Variants in MIAT observed in about 807,000 individuals in gnomAD.
MIAT encodes the protein MI related novel mRNA.
chr22:26,668,736 T>C, exon 6 of MIAT: 1 of 399,176 alleles, frequency 2.5e-6, no homozygotes, highest in Non-Finnish European at 4.4e-6. Flanking sequence ...AATTGTCATT[T>C]TGTGGGGGAC....
intron 2 of MIAT, among the ~76,000 whole-genome samples, chr22:26,656,669 G>C (rs1930466571): frequency 6.6e-6 from 1 of 152,194 alleles, no homozygotes; most frequent in Admixed American, 6.5e-5. Context: ...TGCAACTCTA[G>C]AACCACTACT....
exon 6 of MIAT, chr22:26,669,098 G>T: frequency 2.5e-6 from 1 of 398,636 alleles, no homozygotes; most frequent in South Asian, 1.3e-4. Flanking sequence ...TGTTCTTGGG[G>T]AACAGAAGGT....
chr22:26,649,357 C>A (rs1298751016), intron 2 of MIAT, among the ~76,000 whole-genome samples: 1 of 152,228 alleles, frequency 6.6e-6, no homozygotes, highest in Non-Finnish European at 1.5e-5. Context: ...GGAAACAAGA[C>A]AGAGTGTCAG....
chr22:26,662,851 G>C lies in MIAT; in HGVS notation n.647-465G>C, dbSNP rs141758033. Among the ~76,000 whole-genome samples the C allele has an allele frequency of 4.6e-5, 7 of 152,314 alleles. No individual in the cohort carries two copies. The East Asian group carries it at 1.3e-3, about 29-fold the overall frequency. On this transcript the variant is annotated intron_variant and non_coding_transcript_variant, in intron 2 of 5. Coordinates refer to ENST00000643270, the Ensembl canonical transcript of MIAT. ...TCCATTACTAAGAACAGTACATGCTGTTTAGCGGGAAAAATGAATATCTCA... is the reference window on the plus strand; with the variant it reads ...TCCATTACTAAGAACAGTACATGCTCTTTAGCGGGAAAAATGAATATCTCA...
At chr22:26,650,742 G>T (rs1159020557) in intron 2 of MIAT, among the ~76,000 whole-genome samples, 1 of 152,190 alleles carries the variant, frequency 6.6e-6, no homozygotes, top group Non-Finnish European at 1.5e-5. Flanking sequence ...TGGGGTCATT[G>T]TTCAGCTGGC....
At chr22:26,668,762 T>C in exon 6 of MIAT, 2 of 399,398 alleles carry the variant, frequency 5.0e-6, no homozygotes, top group East Asian at 7.1e-5. Flanking sequence ...TGGTGGGGCT[T>C]TTCCATGCTT....
At chr22:26,673,389 G>A (rs1931135661), downstream of MIAT, 2 of 398,936 alleles carry the variant, frequency 5.0e-6, no homozygotes, top group South Asian at 1.3e-4. Context: ...GCTAATCCCT[G>A]CCTCACCCTG....
intron 3 of MIAT, among the ~76,000 whole-genome samples, chr22:26,664,709 A>T (rs574311066): frequency 9.8e-5 from 15 of 152,356 alleles, no homozygotes; most frequent in African/African-American, 3.6e-4. Flanking sequence ...TGATGAGTAG[A>T]TTCCCTTATG....
At chr22:26,670,602 TAAAAAAAA>T (rs34401113), downstream of MIAT, 254 of 310,490 alleles carry the variant, frequency 8.2e-4, no homozygotes, top group East Asian at 7.7e-3. Flanking sequence ...CATTGCTCCT[TAAAAAAAA>T]AAAAAAAAAA....
chr22:26,657,260 A>AC (rs1930492412), intron 2 of MIAT: 1 of 368,224 alleles, frequency 2.7e-6, no homozygotes, highest in African/African-American at 2.1e-5. Context: ...GGCTGAGCGC[A>AC]CCGGCCAGCT....
chr22:26,651,728 T>C (rs1930339894), intron 2 of MIAT, among the ~76,000 whole-genome samples: 1 of 152,250 alleles, frequency 6.6e-6, no homozygotes, highest in Non-Finnish European at 1.5e-5. Flanking sequence ...AATAAAGTGC[T>C]GAGCCATGCT....
At chr22:26,647,706 A>G (rs1428785098) in intron 2 of MIAT, among the ~76,000 whole-genome samples, 1 of 152,020 alleles carries the variant, frequency 6.6e-6, no homozygotes, top group Non-Finnish European at 1.5e-5. Flanking sequence ...CAGGGGAGTG[A>G]TGAGGTCAGC....
At chr22:26,672,201 A>G (rs1311748042), downstream of MIAT, 1 of 399,178 alleles carries the variant, frequency 2.5e-6, no homozygotes, top group Non-Finnish European at 4.4e-6. Context: ...AGCCCCTACT[A>G]ACCCTGTTTT....
intron 2 of MIAT, among the ~76,000 whole-genome samples, chr22:26,652,678 G>A (rs1278784904): frequency 1.3e-5 from 2 of 151,986 alleles, no homozygotes; most frequent in Non-Finnish European, 2.9e-5. Flanking sequence ...TTTTAAAGAG[G>A]CACCCAGTGG....
At chr22:26,656,009 T>A (rs1451678436) in intron 2 of MIAT, 1 of 153,274 alleles carries the variant, frequency 6.5e-6, no homozygotes, top group Non-Finnish European at 1.4e-5. Flanking sequence ...TTTCTTTTCT[T>A]TTCTTTTCTT....
downstream of MIAT, chr22:26,672,104 G>T: frequency 2.5e-6 from 1 of 399,632 alleles, no homozygotes; most frequent in Non-Finnish European, 4.4e-6. Flanking sequence ...ACGGACCTGC[G>T]TGCGTTCTTC....
intron 2 of MIAT, among the ~76,000 whole-genome samples, chr22:26,653,117 C>G (rs1292809840): frequency 6.6e-6 from 1 of 152,166 alleles, no homozygotes; most frequent in Non-Finnish European, 1.5e-5. Context: ...ATGGAAGATG[C>G]TAGGGAAGAC....
chr22:26,651,771 G>A (rs1048817082), intron 2 of MIAT, among the ~76,000 whole-genome samples: 6 of 152,162 alleles, frequency 3.9e-5, no homozygotes, highest in Non-Finnish European at 7.3e-5. Flanking sequence ...ACATTATGCC[G>A]AGTGAAAGAA....
At chr22:26,653,364 A>G (rs1191126187) in intron 2 of MIAT, among the ~76,000 whole-genome samples, 1 of 152,156 alleles carries the variant, frequency 6.6e-6, no homozygotes, top group African/African-American at 2.4e-5. Flanking sequence ...GTCTATTTGC[A>G]GTGAGCCACG....
Sources: allele counts gnomAD v4.1 joint callset (sites outside exome capture counted in the v4.1 genomes callset), GRCh38; gene constraint gnomAD v4.1.1; transcripts MANE v1.5; gene names NCBI Gene and HGNC (gene_info 2026-07-23, HGNC 2026-07-21).